ZNF311: variants seen among roughly 807,000 people sequenced by gnomAD.
ZNF311 encodes the protein zinc finger protein zfp31.
In ZNF311, 14 loss-of-function variants were observed where a neutral mutation model predicts 22.7. The observed-to-expected ratio is 0.62, with a 90% CI of 0.41 to 0.96. The LOEUF (loss-of-function observed/expected upper bound fraction) is 0.96. Ranked by LOEUF, ZNF311 falls within the 40% of genes least tolerant of loss-of-function variation. The pLI, the probability that ZNF311 is intolerant of heterozygous loss-of-function variation, is 0.00. For synonymous variants in ZNF311, 250 were observed against 275.3 expected, an observed-to-expected ratio of 0.91 and a Z score of 0.91; for missense variants, 731 against 799.0, an observed-to-expected ratio of 0.91 and a Z score of 1.03.
At chr6:29,003,816 T>C in intron 2 of ZNF311, 130 bp downstream of exon 2, 2 of 1,590,248 alleles carry the variant, frequency 1.3e-6, no homozygotes, top group South Asian at 1.1e-5. Context: ...GCAAAAACAG[T>C]ATCTAGGAGG....
chr6:28,995,992 CCA>C lies in ZNF311; in HGVS notation c.1008_1009del (p.Cys336TrpfsTer26). 1 of 1,613,682 alleles carries C rather than the reference CCA, an allele frequency of 6.2e-7. No individual in the cohort carries two copies. The highest frequency in any genetic ancestry group is 8.5e-7 in the Non-Finnish European group (1 of 1,180,026). ...ACGGTTCCTGGTCTTGAAGGCCTTC[CCA>C]CAGTCCCTGCACTCGTGAGGCTTCT... On this transcript the variant is annotated frameshift_variant, in exon 7 of 7. Transcript: ENST00000377179. LOFTEE classifies it low-confidence loss of function (END_TRUNC). This position sits in a 1 kb window ranked among gnomAD's most constrained non-coding sequence, Gnocchi z 4.7.
At chr6:29,002,992 A>G (rs1396924456) in intron 3 of ZNF311, among the ~76,000 whole-genome samples, 1 of 152,162 alleles carries the variant, frequency 6.6e-6, no homozygotes, top group Non-Finnish European at 1.5e-5. Context: ...ACAAGGCTTC[A>G]ATGGGAAAAC....
rs141884388 is a variant in ZNF311, at chr6:28,995,496, C to T, written c.1506G>A (p.Arg502=). ...EHTGEKPYQC[R]DCGKTFQDKH... ...TATCTTGGAAGGTTTTCCCACAATC[C>T]CTGCATTGATAGGGCTTCTCCCCTG... Residue 502 remains arginine (R), a synonymous_variant, in exon 7 of 7, where the codon AGG becomes AGA. Coordinates refer to ENST00000377179, the MANE Select transcript of ZNF311 (RefSeq NM_001382360.1). The surrounding 1 kb of genome is among the most constrained non-coding windows in gnomAD (Gnocchi z 4.7). 35 of 1,612,758 alleles carry T rather than the reference C, an allele frequency of 2.2e-5. 1 individual carries two copies. The African/African-American group carries it at 3.6e-4, about 17-fold the overall frequency.
intron 2 of ZNF311, 56 bp from the exon 3 acceptor site, chr6:29,003,650 A>G (rs1313683532): frequency 2.5e-5 from 39 of 1,582,902 alleles, no homozygotes; most frequent in Non-Finnish European, 3.3e-5. Flanking sequence ...AAAAATACAT[A>G]GGAAGATGCA....
rs1430423260 is a variant in ZNF311 at position 29,005,296 on chromosome 6, C to G, written c.-549G>C. 8.3e-6 allele frequency: 1 copy of G among 120,120 alleles called. No individual in the cohort carries two copies. The highest frequency in any genetic ancestry group is 1.7e-5 in the Non-Finnish European group (1 of 59,580). 7.4% of individuals were successfully genotyped at this position (120,120 alleles called of 1,614,324 possible). A position where few individuals can be genotyped will look rare whatever the true frequency, so the allele number is the denominator to read the frequency against. On this transcript the variant is annotated 5_prime_UTR_variant, in exon 1 of 7. Coordinates refer to ENST00000377179, the MANE Select transcript of ZNF311 (RefSeq NM_001382360.1). ...ATAAAAAGAATGGGTCAGGAGGCGA[C>G]AAGAGCAAGACTCCGGTCTCAAAAA...
intron 4 of ZNF311, 80 bp downstream of exon 4, chr6:28,999,876 C>A: frequency 6.9e-7 from 1 of 1,451,730 alleles, no homozygotes; most frequent in Non-Finnish European, 9.5e-7. Flanking sequence ...GTTGCACAGC[C>A]AGAGAACGCA....
intron 6 of ZNF311, among the ~76,000 whole-genome samples, chr6:28,996,808 G>C (rs945616509): frequency 9.2e-5 from 14 of 152,164 alleles, no homozygotes; most frequent in African/African-American, 3.1e-4. Context: ...CTCCTCTATA[G>C]TCTCCTAGTT....
intron 3 of ZNF311, among the ~76,000 whole-genome samples, chr6:29,000,327 C>A (rs1780271487): frequency 6.6e-6 from 1 of 152,140 alleles, no homozygotes; most frequent in Non-Finnish European, 1.5e-5. Context: ...ATAAACTTTC[C>A]CCCTCCCCAA....
chr6:28,999,718 G>C (rs1780176092), intron 4 of ZNF311, 105 bp from the exon 5 acceptor site: 1 of 1,460,358 alleles, frequency 6.8e-7, no homozygotes, highest in African/African-American at 1.4e-5. Context: ...AGAAGTGAAA[G>C]GCTCTTCCCT....
At position 28,994,866 on chromosome 6, in the gene ZNF311, A is replaced by G. The variant is rs1581657882; in HGVS notation, c.*135T>C. ...AATGTGCTCACTGAAAAAATAGTGA[A>G]TAAGAAGGTAAAGGACAATGTCTTT... is the stretch of plus-strand genomic sequence containing the variant. On this transcript the variant is annotated 3_prime_UTR_variant, in exon 7 of 7. Transcript: ENST00000377179. 5 of 1,009,256 alleles carry G rather than the reference A, an allele frequency of 5.0e-6. No individual in the cohort carries two copies. Among genetic ancestry groups the G allele is most frequent in the Non-Finnish European group, 7.0e-6 (5 of 718,452 alleles). The allele number at this position is 1,009,256 out of a possible 1,614,324, so 62.5% of individuals were successfully genotyped here.
In ZNF311 at chr6:28,995,221, T is replaced by C; in HGVS notation, c.1781A>G (p.Gln594Arg). ...TCSECGTSFR[Q>R]GSALIGHKRV... Reference sequence around the variant, plus strand: ...CTTATGTCCAATCAGAGCTGAGCCCTGACGGAAGGACGTGCCACACTCACT... The same window carrying C: ...CTTATGTCCAATCAGAGCTGAGCCCCGACGGAAGGACGTGCCACACTCACT... Residue 594 changes from glutamine (Q) to arginine (R), a missense_variant, in exon 7 of 7, where the codon CAG becomes CGG. Transcript: ENST00000377179. The surrounding 1 kb of genome is among the most constrained non-coding windows in gnomAD (Gnocchi z 4.7). The C allele has an allele frequency of 1.2e-6, 2 of 1,614,124 alleles. No homozygotes were observed. The highest frequency in any genetic ancestry group is 1.7e-6 in the Non-Finnish European group (2 of 1,180,038).
intron 4 of ZNF311, 123 bp downstream of exon 4, chr6:28,999,833 G>A (rs753538621): frequency 2.0e-5 from 25 of 1,281,778 alleles, no homozygotes; most frequent in Admixed American, 4.4e-5. Flanking sequence ...GCAACAAAAT[G>A]TTCCTTATGA....
chr6:28,998,114 C>T lies in ZNF311; in HGVS notation c.415+620G>A, dbSNP rs576544784. 4.6e-5 allele frequency among the ~76,000 whole-genome samples: 7 copies of T among 151,856 alleles called. No individual in the cohort carries two copies. In the East Asian group the frequency reaches 1.4e-3, roughly 29 times the overall value. On this transcript the variant is annotated intron_variant, in intron 6 of 6. Transcript: ENST00000377179. ...TCTGCCTAGAATGACTCTCACCTGT[C>T]TCAATTTATGAGCACTGCAGTAACT...
chr6:29,004,247 G>C, intron 1 of ZNF311, 33 bp from the exon 2 acceptor site: 1 of 1,355,024 alleles, frequency 7.4e-7, no homozygotes, highest in South Asian at 1.7e-5. Context: ...AGAGGAATGT[G>C]ACCACAGGAA....
intron 6 of ZNF311, among the ~76,000 whole-genome samples, chr6:28,997,394 T>C (rs1483372320): frequency 2.0e-5 from 3 of 152,172 alleles, no homozygotes; most frequent in Non-Finnish European, 4.4e-5. Context: ...TCCTGAATAA[T>C]AAATAAATTC....
intron 3 of ZNF311, among the ~76,000 whole-genome samples, chr6:29,000,270 C>T (rs564655392): frequency 5.9e-5 from 9 of 152,304 alleles, no homozygotes; most frequent in Non-Finnish European, 1.0e-4. Context: ...TGGAAATGCA[C>T]TCTTTTCCTG....
At position 28,995,201 on chromosome 6, in the gene ZNF311, G is replaced by C; in HGVS notation, c.1801C>G (p.His601Asp). ...TTCTCCCCAGTATGAACTCGCTTAT[G>C]TCCAATCAGAGCTGAGCCCTGACGG... ...SFRQGSALIG[H>D]KRVHTGEKPY... The change falls in exon 7 of 7, where the codon CAT becomes GAT. Residue 601 changes from histidine (H) to aspartate (D), a missense_variant. Coordinates refer to ENST00000377179, the MANE Select transcript of ZNF311 (RefSeq NM_001382360.1). This position sits in a 1 kb window ranked among gnomAD's most constrained non-coding sequence, Gnocchi z 4.7. 6.2e-7 allele frequency: 1 copy of C among 1,614,066 alleles called. No homozygotes were observed. The highest frequency in any genetic ancestry group is 8.5e-7 in the Non-Finnish European group (1 of 1,180,034).
rs752687288 is a variant in ZNF311 at position 29,003,963 on chromosome 6, T to C, written c.-9A>G. The C allele has an allele frequency of 2.5e-6, 4 of 1,612,828 alleles. No individual in the cohort carries two copies. The Admixed American group carries it at 6.7e-5, about 27-fold the overall frequency. ...CTTCTTACCTCCTGCATCTTTTTAC[T>C]CAGGTTTCTTTAACAGTCTTCCACT... is the stretch of plus-strand genomic sequence containing the variant. On this transcript the variant is annotated 5_prime_UTR_variant, in exon 2 of 7. Coordinates refer to ENST00000377179, the MANE Select transcript of ZNF311 (RefSeq NM_001382360.1).
chr6:29,000,071 G>T (rs750210848), intron 3 of ZNF311, 24 bp from the exon 4 acceptor site: 1 of 1,599,366 alleles, frequency 6.3e-7, no homozygotes, highest in South Asian at 1.1e-5. Context: ...AGTAAGCCAA[G>T]AGTCAATATA....
Sources: gnomAD v4.1 joint callset for allele counts (sites outside exome capture counted in the v4.1 genomes callset) on GRCh38, gnomAD v4.1.1 for gene constraint, Gnocchi (gnomAD v3.1) non-coding constraint, MANE v1.5 for transcripts, NCBI Gene and HGNC (gene_info 2026-07-23, HGNC 2026-07-21) for gene names.